Variants in SPOCK1 observed in about 807,000 individuals in gnomAD.
SPOCK1 encodes testican-1.
A neutral mutation model predicts 55.3 loss-of-function variants in SPOCK1; 23 were observed. The ratio of observed to expected loss-of-function variants is 0.42; its 90% confidence interval spans 0.30 to 0.59. SPOCK1 has a LOEUF of 0.59. SPOCK1 is among the 20% of genes least tolerant of loss of function. The pLI is 0.22. For missense variants in SPOCK1, 499 were observed against 552.5 expected (o/e 0.90, Z 0.97); for synonymous variants, 226 against 221.0 (o/e 1.02, Z -0.20).
chr5:137,083,257 C>T (rs1752904562), intron 5 of SPOCK1, among the ~76,000 whole-genome samples: 1 of 152,168 alleles, frequency 6.6e-6, no homozygotes, highest in Non-Finnish European at 1.5e-5. Flanking sequence ...TGTGAGCTCA[C>T]AGGGAAGCCA....
intron 3 of SPOCK1, among the ~76,000 whole-genome samples, chr5:137,142,832 C>T (rs1183290457): frequency 6.6e-6 from 1 of 152,216 alleles, no homozygotes; most frequent in Non-Finnish European, 1.5e-5. Context: ...GAGACTGGTG[C>T]AGTCTCAGCC....
chr5:137,498,467 G>A lies in SPOCK1; in HGVS notation c.92C>T (p.Ala31Val). The A allele has an allele frequency of 6.2e-7, 1 of 1,606,196 alleles. No homozygotes were observed. Among genetic ancestry groups the A allele is most frequent in the Non-Finnish European group, 8.5e-7 (1 of 1,177,714 alleles). ...SRHLDALAGG[A>V]GPNHGNFLDN... ...TAGGAAATTGCCGTGGTTGGGGCCC[G>A]CGCCTCCGGCGAGCGCGTCCAGGTG... is the stretch of plus-strand genomic sequence containing the variant. The change falls in exon 2 of 11, where the codon GCG becomes GTG. Residue 31 changes from alanine (A) to valine (V), a missense_variant. Ala to Val is a moderately conservative substitution (Grantham distance 64, BLOSUM62 0). Coordinates refer to ENST00000394945, the MANE Select transcript of SPOCK1 (RefSeq NM_004598.4).
chr5:137,158,577 A>G (rs1019205583), intron 3 of SPOCK1, among the ~76,000 whole-genome samples: 5 of 152,154 alleles, frequency 3.3e-5, no homozygotes, highest in Admixed American at 3.3e-4. Context: ...GATTGGGGTG[A>G]GCCGATTCTC....
intron 2 of SPOCK1, among the ~76,000 whole-genome samples, chr5:137,465,785 C>A (rs1753606556): frequency 6.6e-6 from 1 of 152,052 alleles, no homozygotes; most frequent in Admixed American, 6.5e-5. Flanking sequence ...AGAATCACAC[C>A]AAAGAATAGA....
chr5:136,992,211 T>TAC (rs1291429922), intron 7 of SPOCK1, among the ~76,000 whole-genome samples: 2 of 152,162 alleles, frequency 1.3e-5, no homozygotes, highest in African/African-American at 4.8e-5. Flanking sequence ...TTTGTAATTA[T>TAC]ACACACACAC....
intron 2 of SPOCK1, among the ~76,000 whole-genome samples, chr5:137,446,159 C>T (rs1422330825): frequency 2.0e-5 from 3 of 152,104 alleles, no homozygotes; most frequent in African/African-American, 7.2e-5. Flanking sequence ...AAAAACAGTG[C>T]CAGGCATTTA....
intron 8 of SPOCK1, among the ~76,000 whole-genome samples, chr5:136,987,446 C>T (rs1017709694): frequency 8.5e-5 from 13 of 152,226 alleles, no homozygotes; most frequent in East Asian, 1.9e-4. Flanking sequence ...AGCTTGGTAA[C>T]GCCATAGAGA....
intron 2 of SPOCK1, among the ~76,000 whole-genome samples, chr5:137,471,955 A>G (rs1467386943): frequency 6.6e-6 from 1 of 152,208 alleles, no homozygotes; most frequent in Non-Finnish European, 1.5e-5. Context: ...ACTCAGGTAG[A>G]CTGCGCAGGA....
At chr5:137,014,664 T>C (rs923119273) in intron 6 of SPOCK1, among the ~76,000 whole-genome samples, 1 of 152,172 alleles carries the variant, frequency 6.6e-6, no homozygotes, top group Admixed American at 6.5e-5. Flanking sequence ...TCTGTGTCAA[T>C]ATACCTGAGC....
At chr5:137,314,271 C>T (rs1293932787) in intron 2 of SPOCK1, among the ~76,000 whole-genome samples, 1 of 152,168 alleles carries the variant, frequency 6.6e-6, no homozygotes, top group African/African-American at 2.4e-5. Flanking sequence ...AAACATCATT[C>T]TCTCACATGA....
At chr5:137,342,349 T>TA (rs576029479) in intron 2 of SPOCK1, among the ~76,000 whole-genome samples, 317 of 149,444 alleles carry the variant, frequency 2.1e-3, no homozygotes, top group South Asian at 7.8e-3. Flanking sequence ...TTTATGTCAC[T>TA]AAAAAAAAAA....
rs1308922137 is a variant in SPOCK1, at chr5:137,498,444, G to C, written c.115C>G (p.Leu39Val). Residue 39 changes from leucine to valine, a missense_variant, in exon 2 of 11, where the codon CTA becomes GTA. Leu to Val is a conservative substitution (Grantham distance 32). This residue lies in a region of SPOCK1 where 386 missense variants were observed against 400.6 expected (regional missense o/e 0.96). Coordinates refer to ENST00000394945, the MANE Select transcript of SPOCK1 (RefSeq NM_004598.4). Reference protein sequence around the residue: ...GGAGPNHGNFLDNDQWLSTVS... With the variant: ...GGAGPNHGNFVDNDQWLSTVS... The stretch of plus-strand genomic sequence containing the variant: ...GTGCTCAGCCACTGGTCATTGTCTA[G>C]GAAATTGCCGTGGTTGGGGCCCGCG... 3.7e-6 allele frequency: 6 copies of C among 1,611,142 alleles called. No homozygotes were observed. The highest frequency in any genetic ancestry group is 1.1e-5 in the South Asian group (1 of 90,610).
chr5:137,173,812 A>G (rs1226230914), intron 3 of SPOCK1, among the ~76,000 whole-genome samples: 1 of 152,182 alleles, frequency 6.6e-6, no homozygotes, highest in Non-Finnish European at 1.5e-5. Context: ...TCTGAGCAAC[A>G]CTTATCCTCC....
At chr5:137,479,307 A>T (rs946994068) in intron 2 of SPOCK1, among the ~76,000 whole-genome samples, 7 of 152,188 alleles carry the variant, frequency 4.6e-5, no homozygotes, top group African/African-American at 1.7e-4. Flanking sequence ...TAGAGCAAGG[A>T]ATGAGAGTTT....
At position 137,079,543 on chromosome 5, in the gene SPOCK1, C is replaced by CGCG. The variant is rs572128078; in HGVS notation, c.475-11715_475-11714insCGC. Among the ~76,000 whole-genome samples the CGCG allele has an allele frequency of 2.1e-4, 31 of 147,940 alleles. 1 individual carries two copies. In the South Asian group the frequency reaches 4.4e-3, roughly 21 times the overall value. Reference sequence around the variant, plus strand: ...ACCATCCCATCTGATTCCCCCCCCCCCCGACTTAGTGAAATGTCGTACCAA... The same window carrying CGCG: ...ACCATCCCATCTGATTCCCCCCCCCCGCGCCGACTTAGTGAAATGTCGTACCAA... On this transcript the variant is annotated intron_variant, in intron 5 of 10. Coordinates refer to ENST00000394945, the MANE Select transcript of SPOCK1 (RefSeq NM_004598.4).
chr5:137,008,331 A>ACACACAG (rs760277889), intron 6 of SPOCK1, among the ~76,000 whole-genome samples: 1 of 74,590 alleles, frequency 1.3e-5, no homozygotes, highest in Non-Finnish European at 3.8e-5. Context: ...CACACACACA[A>ACACACAG]TCAACACAGT....
At chr5:137,089,950 C>G (rs930256088) in intron 5 of SPOCK1, among the ~76,000 whole-genome samples, 1 of 152,198 alleles carries the variant, frequency 6.6e-6, no homozygotes, top group African/African-American at 2.4e-5. Context: ...GCCACAGAGG[C>G]CACTGGCAGG....
chr5:137,339,262 A>G (rs564112789), intron 2 of SPOCK1, among the ~76,000 whole-genome samples: 49 of 152,346 alleles, frequency 3.2e-4, no homozygotes, highest in African/African-American at 1.1e-3. Flanking sequence ...CCCCAGTTCC[A>G]GGATGGAGCA....
chr5:137,317,559 C>G (rs1230045276), intron 2 of SPOCK1, among the ~76,000 whole-genome samples: 1 of 152,178 alleles, frequency 6.6e-6, no homozygotes, highest in East Asian at 1.9e-4. Context: ...GTGTACACAG[C>G]ATAGTTAAAA....
Sources: gnomAD v4.1 joint callset for allele counts (sites outside exome capture counted in the v4.1 genomes callset) on GRCh38, gnomAD v4.1.1 for gene constraint, gnomAD v4.1.1 regional missense constraint, MANE v1.5 for transcripts, NCBI Gene and HGNC (gene_info 2026-07-23, HGNC 2026-07-21) for gene names.